Variants in SLC9A4 observed in about 807,000 individuals in gnomAD.
SLC9A4 encodes sodium/hydrogen exchanger 4.
SLC9A4 carries 63 observed loss-of-function variants against 67.4 expected under a neutral mutation model. That is an observed-to-expected ratio of 0.93 (90% CI 0.76 to 1.15). The LOEUF (loss-of-function observed/expected upper bound fraction) is 1.15. Among genes scored for constraint, SLC9A4 ranks in the 50% most tolerant of loss-of-function variants. The pLI, the probability that SLC9A4 is intolerant of heterozygous loss-of-function variation, is 0.00. For missense variants in SLC9A4, 1,089 were observed against 987.7 expected (o/e 1.10, Z -1.38); for synonymous variants, 393 against 367.2 (o/e 1.07, Z -0.80).
At chr2:102,528,825 A>G (rs527428612) in intron 11 of SLC9A4, among the ~76,000 whole-genome samples, 12 of 152,336 alleles carry the variant, frequency 7.9e-5, no homozygotes, top group African/African-American at 2.9e-4. Context: ...TGTCCTCACT[A>G]AAGGATATCT....
intron 1 of SLC9A4, among the ~76,000 whole-genome samples, chr2:102,475,739 T>C (rs1684316694): frequency 6.6e-6 from 1 of 152,198 alleles, no homozygotes. Flanking sequence ...CATATGGACA[T>C]GAGGAGTGAG....
intron 4 of SLC9A4, among the ~76,000 whole-genome samples, chr2:102,507,415 G>C (rs952506447): frequency 9.2e-5 from 14 of 152,102 alleles, no homozygotes; most frequent in African/African-American, 2.9e-4. Flanking sequence ...TATGTGAGCC[G>C]CTTGGGGATG....
chr2:102,505,698 A>G, intron 4 of SLC9A4: 1 of 454,608 alleles, frequency 2.2e-6, no homozygotes. Flanking sequence ...GGCTGGGGCA[A>G]GGAGTACTTT....
chr2:102,483,157 G>A lies in SLC9A4; in HGVS notation c.720+3855G>A, dbSNP rs563115766. Among the ~76,000 whole-genome samples, 12 of 152,296 alleles carry A rather than the reference G, an allele frequency of 7.9e-5. No individual in the cohort carries two copies. In the South Asian group the frequency reaches 2.3e-3, roughly 29 times the overall value. On this transcript the variant is annotated intron_variant, in intron 2 of 11. Coordinates refer to ENST00000295269, the MANE Select transcript of SLC9A4 (RefSeq NM_001011552.4). ...TGAGGACACTGCTGTGACCTCTGCT[G>A]GGTAGAGCTGCTGTTGCGTTGGCTC...
rs1244663247 is a variant in SLC9A4 at position 102,532,529 on chromosome 2, A to C, written c.2238A>C (p.Arg746Ser). ...YLGGVRRVAL[R>S]PKPLFHAVDE... ...GTGGAGTAAGGAGGGTGGCCTTAAG[A>C]CCCAAACCTCTGTTTCATGCAGTGG... Residue 746 changes from arginine to serine, a missense_variant, in exon 12 of 12, where the codon AGA becomes AGC. Physicochemically the swap from Arg to Ser is moderately radical, Grantham distance 110. Transcript: ENST00000295269. 1 of 1,614,034 alleles carries C rather than the reference A, an allele frequency of 6.2e-7. No homozygotes were observed. Among genetic ancestry groups the C allele is most frequent in the South Asian group, 1.1e-5 (1 of 91,058 alleles).
rs1157882149 is a variant in SLC9A4, at chr2:102,473,909, C to G, written c.150C>G (p.Ser50Arg). The G allele has an allele frequency of 3.1e-6, 5 of 1,614,120 alleles. No individual in the cohort carries two copies. The highest frequency in any genetic ancestry group is 4.2e-6 in the Non-Finnish European group (5 of 1,179,966). The change falls in exon 1 of 12, where the codon AGC (serine) becomes AGG (arginine). Residue 50 changes from serine (S) to arginine (R), a missense_variant. Physicochemically the swap from Ser to Arg is moderately radical, Grantham distance 110. Coordinates refer to ENST00000295269, the MANE Select transcript of SLC9A4 (RefSeq NM_001011552.4). Reference sequence around the variant, plus strand: ...CTAACGCTTGGTTTGCTGCTGCCAGCTCAGAGCCAGAGGAAGGGATATCTG... The same window carrying G: ...CTAACGCTTGGTTTGCTGCTGCCAGGTCAGAGCCAGAGGAAGGGATATCTG... ...YASNAWFAAA[S>R]SEPEEGISVF...
At chr2:102,517,990 G>A (rs1685311912) in intron 8 of SLC9A4, among the ~76,000 whole-genome samples, 1 of 152,144 alleles carries the variant, frequency 6.6e-6, no homozygotes, top group Admixed American at 6.5e-5. Context: ...TTTCAGGGAC[G>A]ATTTTGCTAA....
chr2:102,493,581 A>G (rs1684748781), intron 2 of SLC9A4, among the ~76,000 whole-genome samples: 1 of 151,860 alleles, frequency 6.6e-6, no homozygotes, highest in Non-Finnish European at 1.5e-5. Flanking sequence ...ATTACCTCCC[A>G]CCATGTCACT....
At chr2:102,486,723 G>A (rs900049410) in intron 2 of SLC9A4, among the ~76,000 whole-genome samples, 2 of 152,144 alleles carry the variant, frequency 1.3e-5, no homozygotes, top group African/African-American at 2.4e-5. Flanking sequence ...AGATGAGAAT[G>A]ATTAATCTGA....
intron 2 of SLC9A4, among the ~76,000 whole-genome samples, chr2:102,489,272 T>A (rs561485832): frequency 7.9e-5 from 12 of 152,266 alleles, no homozygotes; most frequent in African/African-American, 2.6e-4. Flanking sequence ...GGTTCTTGGA[T>A]GGCACCATGG....
Position 102,514,099 on chromosome 2 carries a change from G to A in SLC9A4, c.1569G>A (p.Lys523=), listed in dbSNP as rs141256616. ...SHYQVRDKFK[K]FDHRYLRKIL... ...TGGTTTTCATTTTTAGGTTTAAGAA[G>A]TTTGATCATAGATACTTACGGAAAA... The change falls in exon 8 of 12, where the codon AAG becomes AAA. Residue 523 remains lysine, a synonymous_variant. Transcript: ENST00000295269. 410 of 1,612,380 alleles carry A rather than the reference G, an allele frequency of 2.5e-4. No homozygotes were observed. Among genetic ancestry groups the A allele is most frequent in the Non-Finnish European group, 3.3e-4 (386 of 1,179,574 alleles).
chr2:102,503,724 G>A lies in SLC9A4; in HGVS notation c.980+17G>A, dbSNP rs371706813. 3.1e-6 allele frequency: 5 copies of A among 1,611,164 alleles called. No homozygotes were observed. The highest frequency in any genetic ancestry group is 4.2e-6 in the Non-Finnish European group (5 of 1,178,084). On this transcript the variant is annotated intron_variant, in intron 3 of 11. Transcript: ENST00000295269. ...CATCCTGGCGTGAGTACAAACCAAGGATCAAGTCACATAGTAATAGAAAGA... is the reference window on the plus strand; with the variant it reads ...CATCCTGGCGTGAGTACAAACCAAGAATCAAGTCACATAGTAATAGAAAGA...
intron 11 of SLC9A4, among the ~76,000 whole-genome samples, chr2:102,527,377 G>A (rs1181014089): frequency 1.3e-5 from 2 of 152,020 alleles, no homozygotes; most frequent in African/African-American, 4.8e-5. Context: ...GTTGTACCTA[G>A]GTTTCCATGT....
At chr2:102,529,060 A>G (rs910545928) in intron 11 of SLC9A4, among the ~76,000 whole-genome samples, 1 of 152,218 alleles carries the variant, frequency 6.6e-6, no homozygotes, top group Non-Finnish European at 1.5e-5. Flanking sequence ...CAGAGTCTGG[A>G]ACCAAGTAGA....
In SLC9A4 at chr2:102,489,673, C is replaced by T. The variant is rs572541286; in HGVS notation, c.720+10371C>T. Among the ~76,000 whole-genome samples the T allele has an allele frequency of 2.0e-5, 3 of 152,306 alleles. No individual in the cohort carries two copies. The East Asian group carries it at 5.8e-4, about 29-fold the overall frequency. ...ACCAGCTTGGCCTCTGTTCGCTGAA[C>T]TTAGAAAGGATAAATGTCCAGAGAT... On this transcript the variant is annotated intron_variant, in intron 2 of 11. Transcript: ENST00000295269.
At chr2:102,504,820 C>T (rs1011725861) in intron 3 of SLC9A4, among the ~76,000 whole-genome samples, 2 of 152,162 alleles carry the variant, frequency 1.3e-5, no homozygotes, top group African/African-American at 4.8e-5. Flanking sequence ...AAAAAAGAAC[C>T]TTGCATTGTC....
At chr2:102,491,317 C>CTTTTTTTTTTTTTTTTTTT (rs61708027) in intron 2 of SLC9A4, among the ~76,000 whole-genome samples, 8 of 45,740 alleles carry the variant, frequency 1.7e-4, no homozygotes, top group Admixed American at 4.2e-4. Flanking sequence ...TGTACTAATG[C>CTTTTTTTTTTTTTTTTTTT]TTTTTTTTTT....
intron 9 of SLC9A4, among the ~76,000 whole-genome samples, chr2:102,524,106 G>A (rs368666939): frequency 1.3e-5 from 2 of 152,168 alleles, no homozygotes; most frequent in African/African-American, 4.8e-5. Flanking sequence ...ATGTAATCCT[G>A]TGCCTTCCAC....
At chr2:102,527,071 GA>G (rs1266434844) in intron 11 of SLC9A4, among the ~76,000 whole-genome samples, 1 of 152,010 alleles carries the variant, frequency 6.6e-6, no homozygotes, top group East Asian at 1.9e-4. Flanking sequence ...ACCTCAAAAT[GA>G]AACTTTTTTT....
Sources: allele counts gnomAD v4.1 joint callset (sites outside exome capture counted in the v4.1 genomes callset), GRCh38; gene constraint gnomAD v4.1.1; transcripts MANE v1.5; gene names NCBI Gene and HGNC (gene_info 2026-07-23, HGNC 2026-07-21).